FAM204A: variants seen among roughly 807,000 people sequenced by gnomAD.
FAM204A encodes the protein protein FAM204A.
In FAM204A, 16 loss-of-function variants were observed where a neutral mutation model predicts 35.4. The ratio of observed to expected loss-of-function variants is 0.45; its 90% CI spans 0.31 to 0.69. The LOEUF (loss-of-function observed/expected upper bound fraction) is 0.69. Among genes scored for constraint, FAM204A ranks in the 30% least tolerant of loss-of-function variants. The pLI, the probability that FAM204A is intolerant of heterozygous loss-of-function variation, is 0.07. For missense variants in FAM204A, 240 were observed against 265.7 expected, an observed-to-expected ratio of 0.90 and a Z score of 0.67; for synonymous variants, 76 against 86.9, an observed-to-expected ratio of 0.88 and a Z score of 0.70.
At chr10:118,332,620 T>C (rs923843016) in intron 6 of FAM204A, among the ~76,000 whole-genome samples, 3 of 151,706 alleles carry the variant, frequency 2.0e-5, no homozygotes, top group Admixed American at 2.0e-4. Flanking sequence ...GAGAACCATG[T>C]AAGAGTCTGT....
In FAM204A at chr10:118,310,759, T is replaced by C. The variant is rs1845939969; in HGVS notation, c.*98A>G. On this transcript the variant is annotated 3_prime_UTR_variant, in exon 9 of 9. Transcript: ENST00000369183. ...CCAAATTTTATGCTTATTTTTGTTT[T>C]AGTGCTATCAATTTTCTGACATATT... The C allele has an allele frequency of 2.0e-6, 2 of 1,008,624 alleles. No homozygotes were observed. The highest frequency in any genetic ancestry group is 2.9e-5 in the South Asian group (2 of 70,034). 62.5% of individuals were successfully genotyped at this position (1,008,624 alleles called of 1,614,324 possible).
chr10:118,320,941 T>G (rs996914248), intron 7 of FAM204A, among the ~76,000 whole-genome samples: 3 of 150,536 alleles, frequency 2.0e-5, no homozygotes, highest in Admixed American at 6.6e-5. Context: ...AGGCCTATTC[T>G]CAGACATGGT....
chr10:118,319,994 G>A (rs192098), intron 7 of FAM204A, among the ~76,000 whole-genome samples: 3,278 of 151,894 alleles, frequency 0.022, 99 homozygotes, highest in African/African-American at 0.073. Flanking sequence ...ATTCATTTCT[G>A]CCATCACACT....
At chr10:118,322,004 G>A (rs919960872) in intron 7 of FAM204A, among the ~76,000 whole-genome samples, 1 of 152,050 alleles carries the variant, frequency 6.6e-6, no homozygotes, top group African/African-American at 2.4e-5. Flanking sequence ...ATTTAGCAAA[G>A]GCACACAAAA....
chr10:118,311,409 A>C, intron 7 of FAM204A, 96 bp from the exon 8 acceptor site: 1 of 954,166 alleles, frequency 1.0e-6, no homozygotes, highest in Non-Finnish European at 1.6e-6. Flanking sequence ...TGTGGGTAAG[A>C]AAGCCATGTC....
At chr10:118,315,741 A>G (rs947234682) in intron 7 of FAM204A, among the ~76,000 whole-genome samples, 3 of 152,242 alleles carry the variant, frequency 2.0e-5, no homozygotes, top group South Asian at 4.1e-4. Context: ...AAACCCCTCC[A>G]ATGTCTGATT....
At chr10:118,338,062 T>C (rs1846416380) in intron 2 of FAM204A, among the ~76,000 whole-genome samples, 1 of 152,186 alleles carries the variant, frequency 6.6e-6, no homozygotes. Context: ...GGCAAATTAC[T>C]AGGAAGATAA....
intron 6 of FAM204A, among the ~76,000 whole-genome samples, chr10:118,331,565 A>G (rs1372968338): frequency 6.6e-6 from 1 of 152,220 alleles, no homozygotes; most frequent in Non-Finnish European, 1.5e-5. Context: ...CTATATGTGC[A>G]TATGTAGAAT....
At chr10:118,335,036 G>A (rs1443126240) in intron 6 of FAM204A, 78 bp downstream of exon 6, 18 of 1,007,120 alleles carry the variant, frequency 1.8e-5, no homozygotes, top group Non-Finnish European at 2.7e-5. Flanking sequence ...ATGAATTAAT[G>A]AGGACAAGTA....
intron 8 of FAM204A, 71 bp downstream of exon 8, chr10:118,311,136 A>G: frequency 1.4e-6 from 2 of 1,403,824 alleles, no homozygotes; most frequent in Non-Finnish European, 9.9e-7. Context: ...CACGAACTAG[A>G]TCACAAAATA....
At chr10:118,333,652 T>C (rs765235307) in intron 6 of FAM204A, among the ~76,000 whole-genome samples, 1 of 152,206 alleles carries the variant, frequency 6.6e-6, no homozygotes, top group African/African-American at 2.4e-5. Context: ...TTTCCTCTTA[T>C]GCTTGTGTTT....
chr10:118,314,377 C>A lies in FAM204A; in HGVS notation c.544-3064G>T, dbSNP rs146508185. Among the ~76,000 whole-genome samples the A allele has an allele frequency of 7.1e-3, 1,082 of 152,270 alleles. 10 individuals carry two copies. Among genetic ancestry groups the A allele is most frequent in the Non-Finnish European group, 0.013 (863 of 68,024 alleles). On this transcript the variant is annotated intron_variant, in intron 7 of 8. Transcript: ENST00000369183. ...AGCTTGTAATGATGAAAACTCATAG[C>A]CTTTTTGTGTCCTTCGTATAATTAA...
In FAM204A at chr10:118,307,519, G is replaced by A. The variant is rs534089604; in HGVS notation, c.*3338C>T. The A allele has an allele frequency of 1.3e-5, 2 of 152,312 alleles. No individual in the cohort carries two copies. Among genetic ancestry groups the A allele is most frequent in the South Asian group, 2.1e-4 (1 of 4,824 alleles). The allele number at this position is 152,312 out of a possible 1,614,324, so 9.4% of individuals were successfully genotyped here. A position where few individuals can be genotyped will look rare whatever the true frequency, so the allele number is the denominator to read the frequency against. On this transcript the variant is annotated 3_prime_UTR_variant, in exon 9 of 9. Transcript: ENST00000369183. ...TTTCACTAACTTCAAAATGAGATCT[G>A]ACATAACATCGGCTTGCCTCCTCAA... is the stretch of plus-strand genomic sequence containing the variant.
At chr10:118,322,436 C>T (rs853911) in intron 7 of FAM204A, 454,447 of 455,408 alleles carry the variant, frequency 1, 226,749 homozygotes, top group Middle Eastern at 1. Context: ...TAACCTAAAA[C>T]TAATCATGAG....
intron 7 of FAM204A, chr10:118,322,379 T>C (rs1846131882): frequency 4.4e-6 from 2 of 456,222 alleles, no homozygotes; most frequent in African/African-American, 2.0e-5. Context: ...TCGCTGACAC[T>C]GAGAAACACA....
intron 6 of FAM204A, among the ~76,000 whole-genome samples, chr10:118,327,336 T>C (rs1397417470): frequency 2.6e-5 from 4 of 152,180 alleles, no homozygotes; most frequent in African/African-American, 7.2e-5. Context: ...CTAAAAAGGT[T>C]ACAGAAATAA....
intron 6 of FAM204A, among the ~76,000 whole-genome samples, chr10:118,334,094 A>G (rs1846340327): frequency 6.6e-6 from 1 of 152,178 alleles, no homozygotes; most frequent in African/African-American, 2.4e-5. Flanking sequence ...ACTAATTCAC[A>G]CAAGCGTCTT....
At chr10:118,323,307 C>T (rs986421426) in intron 7 of FAM204A, among the ~76,000 whole-genome samples, 15 of 152,070 alleles carry the variant, frequency 9.9e-5, no homozygotes, top group African/African-American at 3.6e-4. Flanking sequence ...ACGCTTTACT[C>T]GGAACTATCT....
Position 118,299,436 on chromosome 10 carries a change from C to T in FAM204A, c.*11421G>A, listed in dbSNP as rs2119754504. 7.9e-6 allele frequency: 1 copy of T among 125,898 alleles called. No homozygotes were observed. Among genetic ancestry groups the T allele is most frequent in the Non-Finnish European group, 1.6e-5 (1 of 63,080 alleles). 7.8% of individuals were successfully genotyped at this position (125,898 alleles called of 1,614,324 possible). A position where few individuals can be genotyped will look rare whatever the true frequency, so the allele number is the denominator to read the frequency against. On this transcript the variant is annotated 3_prime_UTR_variant, in exon 9 of 9. Coordinates refer to ENST00000369183, the MANE Select transcript of FAM204A (RefSeq NM_022063.3). ...TTTGAGACAGGGTCAGGCTGGACTG[C>T]AGTGGTGCGATCACGGCTCACTGCA...
Sources: allele counts gnomAD v4.1 joint callset (sites outside exome capture counted in the v4.1 genomes callset), GRCh38; gene constraint gnomAD v4.1.1; transcripts MANE v1.5; gene names NCBI Gene and HGNC (gene_info 2026-07-23, HGNC 2026-07-21).